RDX: variants seen among roughly 807,000 people sequenced by gnomAD.
RDX encodes the protein radixin, also known as deafness, autosomal recessive 24.
A neutral mutation model predicts 83.7 loss-of-function variants in RDX; 32 were observed. The observed-to-expected ratio is 0.38, with a 90% CI of 0.29 to 0.51. The LOEUF (loss-of-function observed/expected upper bound fraction) is 0.51, where lower values mean the gene tolerates loss of function less well. Ranked by LOEUF, RDX falls within the 20% of genes least tolerant of loss-of-function variation. The probability of loss-of-function intolerance (pLI) is 0.87; values close to 1 mark genes in which losing one functional copy is unlikely to be tolerated. For synonymous variants in RDX, 229 were observed against 222.7 expected (o/e 1.03, Z -0.25); for missense variants, 600 against 689.9 (o/e 0.87, Z 1.46).
chr11:110,199,867 C>T lies in RDX; in HGVS notation c.1749-189G>A, dbSNP rs117276853. Among the ~76,000 whole-genome samples the T allele has an allele frequency of 4.9e-4, 75 of 152,198 alleles. 1 individual carries two copies. In the East Asian group the frequency reaches 8.7e-3, roughly 18 times the overall value. On this transcript the variant is annotated intron_variant, in intron 14 of 15. Transcript: ENST00000528498. ...TTAACCTCTTTTTTTTTCCAGTCCACCTTTGAAACTCCACGATTAGAATGT... is the reference window on the plus strand; with the variant it reads ...TTAACCTCTTTTTTTTTCCAGTCCATCTTTGAAACTCCACGATTAGAATGT...
intron 3 of RDX, 46 bp from the exon 4 acceptor site, chr11:110,264,920 C>T (rs1234945690): frequency 8.9e-6 from 12 of 1,355,816 alleles, no homozygotes; most frequent in South Asian, 1.2e-5. Context: ...GTCCAACATA[C>T]ACATTGTGTC....
At chr11:110,211,533 T>C (rs999937037) in intron 14 of RDX, among the ~76,000 whole-genome samples, 1 of 151,748 alleles carries the variant, frequency 6.6e-6, no homozygotes, top group African/African-American at 2.4e-5. Flanking sequence ...GAATATACTT[T>C]TTTTTCAGCA....
chr11:110,259,621 G>A (rs1859719913), intron 5 of RDX, among the ~76,000 whole-genome samples: 1 of 152,074 alleles, frequency 6.6e-6, no homozygotes, highest in African/African-American at 2.4e-5. Context: ...TTGCTTTTGG[G>A]GAGAAGAGTT....
intron 9 of RDX, among the ~76,000 whole-genome samples, chr11:110,252,930 C>T (rs1859398381): frequency 6.6e-6 from 1 of 152,178 alleles, no homozygotes; most frequent in Non-Finnish European, 1.5e-5. Context: ...CCATCCTCAG[C>T]TCACCAACTC....
At chr11:110,227,891 T>A (rs535118939), downstream of RDX, among the ~76,000 whole-genome samples, 27 of 152,220 alleles carry the variant, frequency 1.8e-4, no homozygotes, top group African/African-American at 6.3e-4. Flanking sequence ...TAGGAAATAC[T>A]TCAACTCCTA....
chr11:110,223,812 T>C (rs895538345), intron 14 of RDX, among the ~76,000 whole-genome samples: 1 of 152,164 alleles, frequency 6.6e-6, no homozygotes, highest in Non-Finnish European at 1.5e-5. Flanking sequence ...ACGCCTGTAA[T>C]CCCAGCACTT....
At chr11:110,246,044 T>C (rs1859094245) in intron 10 of RDX, among the ~76,000 whole-genome samples, 1 of 152,156 alleles carries the variant, frequency 6.6e-6, no homozygotes, top group Non-Finnish European at 1.5e-5. Context: ...ACAACAGGCA[T>C]ATGCCACCAC....
At chr11:110,292,446 G>A (rs968263558) in intron 1 of RDX, among the ~76,000 whole-genome samples, 9 of 151,856 alleles carry the variant, frequency 5.9e-5, no homozygotes, top group Admixed American at 5.2e-4. Flanking sequence ...CTCCAGCTTG[G>A]GTGACAGAGG....
chr11:110,253,466 AAC>A (rs1385965470), intron 9 of RDX, among the ~76,000 whole-genome samples: 2 of 152,184 alleles, frequency 1.3e-5, no homozygotes, highest in African/African-American at 4.8e-5. Flanking sequence ...TAATATATTT[AAC>A]AGTTTCTTTT....
intron 15 of RDX, among the ~76,000 whole-genome samples, chr11:110,177,885 A>C (rs1167230189): frequency 6.6e-6 from 1 of 152,030 alleles, no homozygotes; most frequent in African/African-American, 2.4e-5. Flanking sequence ...CCGTCTCATG[A>C]TATACTTAGA....
intron 15 of RDX, among the ~76,000 whole-genome samples, chr11:110,190,010 G>T (rs1170084627): frequency 6.6e-6 from 1 of 152,158 alleles, no homozygotes; most frequent in Non-Finnish European, 1.5e-5. Flanking sequence ...TTGAACCCAG[G>T]AGGCAGAGGA....
chr11:110,182,939 G>A (rs139735729), intron 15 of RDX, among the ~76,000 whole-genome samples: 1 of 152,290 alleles, frequency 6.6e-6, no homozygotes, highest in Non-Finnish European at 1.5e-5. Flanking sequence ...CGTCAGAATT[G>A]AAATCCAGGG....
Position 110,271,150 on chromosome 11 carries a change from TA to T in RDX, c.96+1385del, listed in dbSNP as rs1255891666. Among the ~76,000 whole-genome samples, 4 of 152,224 alleles carry T rather than the reference TA, an allele frequency of 2.6e-5. 1 individual carries two copies. The highest frequency in any genetic ancestry group is 5.9e-5 in the Non-Finnish European group (4 of 68,042). On this transcript the variant is annotated intron_variant, in intron 3 of 13. Coordinates refer to ENST00000645495, the MANE Select transcript of RDX (RefSeq NM_002906.4). The stretch of plus-strand genomic sequence containing the variant: ...TCCAAAAAGGCCTTATCAGGACTTT[TA>T]AATTTATGAATTACCAAATCAGGAG...
Position 110,201,438 on chromosome 11 carries a change from G to A in RDX, c.1749-1760C>T, listed in dbSNP as rs970199750. 7.2e-5 allele frequency among the ~76,000 whole-genome samples: 11 copies of A among 152,244 alleles called. No individual in the cohort carries two copies. The South Asian group carries it at 2.3e-3, about 32-fold the overall frequency. On this transcript the variant is annotated intron_variant, in intron 14 of 15. Transcript: ENST00000528498. ...CACAAGAGAGGGAATAGAACTGAAG[G>A]AGAAAACTGCATGTATGAGTTTCCC...
chr11:110,264,501 A>G (rs1457621302), intron 4 of RDX, among the ~76,000 whole-genome samples: 1 of 152,180 alleles, frequency 6.6e-6, no homozygotes, highest in Non-Finnish European at 1.5e-5. Context: ...AGGTATTTAC[A>G]TCAAAATTGA....
chr11:110,277,665 A>T, intron 2 of RDX, among the ~76,000 whole-genome samples: 1 of 150,784 alleles, frequency 6.6e-6, no homozygotes, highest in African/African-American at 2.4e-5. Context: ...CTGCTCAAAT[A>T]TTTTGTCCAC....
intron 10 of RDX, among the ~76,000 whole-genome samples, chr11:110,241,727 C>G (rs4754436): frequency 0.45 from 68,305 of 152,026 alleles, 15,627 homozygotes; most frequent in East Asian, 0.61. Context: ...GGGTCTCAAA[C>G]CAATACCTGA....
chr11:110,235,462 G>T (rs924633476), intron 12 of RDX, among the ~76,000 whole-genome samples: 12 of 151,814 alleles, frequency 7.9e-5, no homozygotes, highest in Admixed American at 6.6e-5. Flanking sequence ...CCTCAGTTTG[G>T]GTCTTTATCT....
chr11:110,281,390 TG>T lies in RDX; in HGVS notation c.-64-1635del, dbSNP rs1860755479. 2.6e-5 allele frequency among the ~76,000 whole-genome samples: 4 copies of T among 151,008 alleles called. 1 individual carries two copies. The South Asian group carries it at 8.4e-4, about 32-fold the overall frequency. On this transcript the variant is annotated intron_variant, in intron 1 of 13. Coordinates refer to ENST00000645495, the MANE Select transcript of RDX (RefSeq NM_002906.4). ...GGCTGGAGTGCAGTGCTCGCAGTGGTGCAATCTTAGCTCACTGCAACCTCTG... is the reference window on the plus strand; with the variant it reads ...GGCTGGAGTGCAGTGCTCGCAGTGGTCAATCTTAGCTCACTGCAACCTCTG...
Sources: allele counts gnomAD v4.1 joint callset (sites outside exome capture counted in the v4.1 genomes callset), GRCh38; gene constraint gnomAD v4.1.1; transcripts MANE v1.5; gene names NCBI Gene and HGNC (gene_info 2026-07-23, HGNC 2026-07-21).